The following GALNT18 variants were observed in gnomAD, a reference collection of about 807,000 sequenced individuals.
GALNT18 encodes GalNAc-transferase 18.
In GALNT18, 44 loss-of-function variants were observed where a neutral mutation model predicts 69.5. The ratio of observed to expected loss-of-function variants is 0.63; its 90% confidence interval spans 0.50 to 0.81. The LOEUF (loss-of-function observed/expected upper bound fraction) is 0.81. GALNT18 is among the 40% of genes least tolerant of loss of function. The probability of loss-of-function intolerance (pLI) is 0.00; values close to 1 mark genes in which losing one functional copy is unlikely to be tolerated. For synonymous variants in GALNT18, 364 were observed against 318.2 expected (o/e 1.14, Z -1.53); for missense variants, 715 against 810.0 (o/e 0.88, Z 1.42).
At position 11,600,874 on chromosome 11, in the gene GALNT18, A is replaced by G. The variant is rs761352818; in HGVS notation, c.235+20485T>C. 6.6e-6 allele frequency among the ~76,000 whole-genome samples: 1 copy of G among 151,862 alleles called. No individual in the cohort carries two copies. Among genetic ancestry groups the G allele is most frequent in the African/African-American group, 2.4e-5 (1 of 41,352 alleles). On this transcript the variant is annotated intron_variant, in intron 1 of 10. Transcript: ENST00000227756. The surrounding 1 kb of genome is among the most constrained non-coding windows in gnomAD (Gnocchi z 4.8). ...CAGATGTGGTAATCTCTATTGATCT[A>G]TCTTCAAATTTGCTGATACTTTCTT...
In GALNT18 at chr11:11,575,638, T is replaced by C. The variant is rs527757678; in HGVS notation, c.235+45721A>G. ...AACTCCTGCTCTCTGTTTTCTGTTA[T>C]ATGAGGCCATGAGTTCCATGAGGAT... On this transcript the variant is annotated intron_variant, in intron 1 of 10. Transcript: ENST00000227756. Among the ~76,000 whole-genome samples, 6 of 152,366 alleles carry C rather than the reference T, an allele frequency of 3.9e-5. No homozygotes were observed. In the East Asian group the frequency reaches 1.2e-3, roughly 29 times the overall value.
intron 6 of GALNT18, among the ~76,000 whole-genome samples, chr11:11,345,325 C>G (rs1375599288): frequency 2.0e-5 from 3 of 152,222 alleles, no homozygotes; most frequent in Non-Finnish European, 2.9e-5. Context: ...CTGAAGCAAA[C>G]AAGAGAAAGC....
chr11:11,351,736 T>C (rs553710540), intron 6 of GALNT18, among the ~76,000 whole-genome samples: 2 of 149,912 alleles, frequency 1.3e-5, no homozygotes, highest in East Asian at 4.0e-4. Context: ...AGCTTAAATG[T>C]CATAGGGATT....
intron 1 of GALNT18, among the ~76,000 whole-genome samples, chr11:11,552,840 A>T (rs1858232362): frequency 6.6e-6 from 1 of 152,102 alleles, no homozygotes; most frequent in South Asian, 2.1e-4. Context: ...TTTATTAAAT[A>T]ACCAGGTCCC....
At chr11:11,345,416 C>A (rs533487599) in intron 6 of GALNT18, among the ~76,000 whole-genome samples, 4 of 152,214 alleles carry the variant, frequency 2.6e-5, no homozygotes, top group Non-Finnish European at 4.4e-5. Context: ...AAGTCATACC[C>A]ACAGCTCATC....
intron 2 of GALNT18, among the ~76,000 whole-genome samples, chr11:11,438,282 T>G (rs1855455805): frequency 6.6e-6 from 1 of 152,172 alleles, no homozygotes; most frequent in Non-Finnish European, 1.5e-5. Flanking sequence ...ATGAAGGCAG[T>G]ATGGAGGTTC....
rs1277211261 is a variant in GALNT18 at position 11,480,260 on chromosome 11, C to G, written c.236-31324G>C. Among the ~76,000 whole-genome samples the G allele has an allele frequency of 1.3e-5, 2 of 152,080 alleles. No individual in the cohort carries two copies. The highest frequency in any genetic ancestry group is 2.4e-5 in the African/African-American group (1 of 41,410). On this transcript the variant is annotated intron_variant, in intron 1 of 10. Coordinates refer to ENST00000227756, the MANE Select transcript of GALNT18 (RefSeq NM_198516.3). The surrounding 1 kb of genome is among the most constrained non-coding windows in gnomAD (Gnocchi z 4.6). ...TCTTTCTTCCTTCCTTCCTCTCTCT[C>G]TCTCTTTCTCTCTCTCTCGCCCCCC...
chr11:11,601,299 G>A lies in GALNT18; in HGVS notation c.235+20060C>T, dbSNP rs187207142. 2.6e-5 allele frequency among the ~76,000 whole-genome samples: 4 copies of A among 152,132 alleles called. No individual in the cohort carries two copies. Among genetic ancestry groups the A allele is most frequent in the Non-Finnish European group, 4.4e-5 (3 of 68,038 alleles). On this transcript the variant is annotated intron_variant, in intron 1 of 10. Transcript: ENST00000227756. This position sits in a 1 kb window ranked among gnomAD's most constrained non-coding sequence, Gnocchi z 4.0. ...CTATATACTTGTTTACTTGTTTACC[G>A]CATTGGATGGGCTACTTCAGTGAAG...
chr11:11,543,395 AG>A lies in GALNT18; in HGVS notation c.235+77963del, dbSNP rs1186222581. Among the ~76,000 whole-genome samples, 1 of 152,116 alleles carries A rather than the reference AG, an allele frequency of 6.6e-6. No homozygotes were observed. The highest frequency in any genetic ancestry group is 6.5e-5 in the Admixed American group (1 of 15,284). ...GACAGGGACGTGGTGAGGACAAAGG[AG>A]CCTCGATGGAGACCCACTCTGGAAC... is the stretch of plus-strand genomic sequence containing the variant. On this transcript the variant is annotated intron_variant, in intron 1 of 10. Coordinates refer to ENST00000227756, the MANE Select transcript of GALNT18 (RefSeq NM_198516.3). The surrounding 1 kb of genome is among the most constrained non-coding windows in gnomAD (Gnocchi z 5.1).
intron 9 of GALNT18, among the ~76,000 whole-genome samples, chr11:11,305,459 A>G (rs1789913381): frequency 6.6e-6 from 1 of 152,212 alleles, no homozygotes; most frequent in Admixed American, 6.5e-5. Context: ...GGAAAAGTAC[A>G]AGAAACTTTG....
intron 1 of GALNT18, among the ~76,000 whole-genome samples, chr11:11,593,074 C>T (rs971941464): frequency 1.3e-5 from 2 of 152,100 alleles, no homozygotes; most frequent in African/African-American, 2.4e-5. Context: ...CCCCAACGCT[C>T]GGCTAATTTT....
chr11:11,334,274 G>A (rs1367241416), intron 7 of GALNT18, among the ~76,000 whole-genome samples: 1 of 152,196 alleles, frequency 6.6e-6, no homozygotes, highest in Non-Finnish European at 1.5e-5. Flanking sequence ...CAGGCGCAGT[G>A]GCTCACACCT....
chr11:11,431,730 G>T (rs1246360719), intron 3 of GALNT18, among the ~76,000 whole-genome samples: 1 of 152,192 alleles, frequency 6.6e-6, no homozygotes, highest in African/African-American at 2.4e-5. Context: ...TACAGCAACT[G>T]ATTCACTAGG....
At chr11:11,279,654 A>G (rs994273917) in intron 10 of GALNT18, among the ~76,000 whole-genome samples, 2 of 152,164 alleles carry the variant, frequency 1.3e-5, no homozygotes, top group Admixed American at 1.3e-4. Flanking sequence ...AATACAAACA[A>G]ACATTATTCT....
At chr11:11,560,261 A>ATATGATGGGATGGCG (rs1858474892) in intron 1 of GALNT18, among the ~76,000 whole-genome samples, 1 of 4,502 alleles carries the variant, frequency 2.2e-4, no homozygotes. Context: ...ATGGGATGGG[A>ATATGATGGGATGGCG]TGGAATAAAA....
chr11:11,373,100 A>T (rs752964944), intron 5 of GALNT18, among the ~76,000 whole-genome samples: 2 of 152,168 alleles, frequency 1.3e-5, no homozygotes, highest in African/African-American at 2.4e-5. Flanking sequence ...CAGGGTAAAA[A>T]ATTTGAATTT....
At chr11:11,326,092 C>T (rs866135070) in intron 9 of GALNT18, among the ~76,000 whole-genome samples, 10 of 147,224 alleles carry the variant, frequency 6.8e-5, no homozygotes, top group Admixed American at 1.4e-4. Flanking sequence ...TCGCCCAGGC[C>T]GGACTGCAGT....
rs991146188 is a variant in GALNT18 at position 11,480,775 on chromosome 11, C to T, written c.236-31839G>A. 5.3e-5 allele frequency among the ~76,000 whole-genome samples: 8 copies of T among 152,172 alleles called. No homozygotes were observed. The highest frequency in any genetic ancestry group is 1.9e-4 in the African/African-American group (8 of 41,446). On this transcript the variant is annotated intron_variant, in intron 1 of 10. Coordinates refer to ENST00000227756, the MANE Select transcript of GALNT18 (RefSeq NM_198516.3). The surrounding 1 kb of genome is among the most constrained non-coding windows in gnomAD (Gnocchi z 4.6). ...CAGCGTGCTCTACAGAACCCTAGTT[C>T]CGTGCAGAGTTATTAAGTGCTATGT...
In GALNT18 at chr11:11,372,373, A is replaced by G; in HGVS notation, c.1092+142T>C. Reference sequence around the variant, plus strand: ...AGAGGCTCCACCCTGTGTCTTCCCAATCCCAATCACACACAGGATTCAGGA... The same window carrying G: ...AGAGGCTCCACCCTGTGTCTTCCCAGTCCCAATCACACACAGGATTCAGGA... On this transcript the variant is annotated intron_variant, in intron 6 of 10. Coordinates refer to ENST00000227756, the MANE Select transcript of GALNT18 (RefSeq NM_198516.3). The surrounding 1 kb of genome is among the most constrained non-coding windows in gnomAD (Gnocchi z 4.9). The G allele has an allele frequency of 3.0e-6, 2 of 668,850 alleles. No homozygotes were observed. The highest frequency in any genetic ancestry group is 5.2e-6 in the Non-Finnish European group (2 of 385,270). The allele number at this position is 668,850 out of a possible 1,614,324, so 41.4% of individuals were successfully genotyped here.
Sources: allele counts gnomAD v4.1 joint callset (sites outside exome capture counted in the v4.1 genomes callset), GRCh38; gene constraint gnomAD v4.1.1; non-coding constraint Gnocchi (gnomAD v3.1); transcripts MANE v1.5; gene names NCBI Gene and HGNC (gene_info 2026-07-23, HGNC 2026-07-21).